VWC2: variants seen among roughly 807,000 people sequenced by gnomAD.
VWC2 encodes von Willebrand factor C domain containing 2, also known as brorin.
In VWC2, 14 loss-of-function variants were observed where a neutral mutation model predicts 29.8. The observed-to-expected ratio is 0.47, with a 90% confidence interval of 0.31 to 0.74. VWC2 has a LOEUF of 0.74. VWC2 is among the 30% of genes least tolerant of loss of function. VWC2 has a pLI of 0.05. For missense variants in VWC2, 457 were observed against 459.8 expected, an observed-to-expected ratio of 0.99 and a Z score of 0.05; for synonymous variants, 213 against 199.0, an observed-to-expected ratio of 1.07 and a Z score of -0.59.
chr7:49,816,084 C>A (rs867230817), intron 3 of VWC2, among the ~76,000 whole-genome samples: 2 of 151,886 alleles, frequency 1.3e-5, no homozygotes, highest in Non-Finnish European at 2.9e-5. Context: ...AGGGTGGGAG[C>A]GGACCATATT....
intron 3 of VWC2, among the ~76,000 whole-genome samples, chr7:49,893,132 T>C (rs1792216004): frequency 6.6e-6 from 1 of 152,238 alleles, no homozygotes; most frequent in Non-Finnish European, 1.5e-5. Context: ...TGAGAATACT[T>C]TAGCCTTTAA....
Position 49,921,737 on chromosome 7 carries a change from T to C in VWC2, c.*9552T>C, listed in dbSNP as rs1257959923. 1 of 151,990 alleles carries C rather than the reference T, an allele frequency of 6.6e-6. No individual in the cohort carries two copies. The highest frequency in any genetic ancestry group is 6.5e-5 in the Admixed American group (1 of 15,270). The allele number at this position is 151,990 out of a possible 1,614,324, so 9.4% of individuals were successfully genotyped here. A position where few individuals can be genotyped will look rare whatever the true frequency, so the allele number is the denominator to read the frequency against. ...AATGAATAATTTAATTTAGTGCTCATTTGAAAAATATTTTATCCTCATGTT... is the reference window on the plus strand; with the variant it reads ...AATGAATAATTTAATTTAGTGCTCACTTGAAAAATATTTTATCCTCATGTT... On this transcript the variant is annotated 3_prime_UTR_variant, in exon 4 of 4. Transcript: ENST00000340652.
intron 3 of VWC2, among the ~76,000 whole-genome samples, chr7:49,843,785 G>T (rs541614703): frequency 2.0e-5 from 3 of 152,302 alleles, no homozygotes; most frequent in East Asian, 1.9e-4. Flanking sequence ...AGGGCATTGT[G>T]CAAGGACTTA....
At chr7:49,824,825 G>C (rs1038422167) in intron 3 of VWC2, among the ~76,000 whole-genome samples, 2 of 151,930 alleles carry the variant, frequency 1.3e-5, no homozygotes, top group Non-Finnish European at 2.9e-5. Context: ...ATTTCCAGTT[G>C]TTTGTTCCTT....
At chr7:49,899,981 T>G (rs975337545) in intron 3 of VWC2, among the ~76,000 whole-genome samples, 1 of 151,858 alleles carries the variant, frequency 6.6e-6, no homozygotes, top group African/African-American at 2.4e-5. Context: ...GCTCTCAGAC[T>G]ACAAGGGAAT....
At chr7:49,837,523 G>C (rs184831144) in intron 3 of VWC2, among the ~76,000 whole-genome samples, 1 of 152,306 alleles carries the variant, frequency 6.6e-6, no homozygotes, top group Admixed American at 6.5e-5. Flanking sequence ...CCTGAAGGCC[G>C]GGGGAGGTCA....
At chr7:49,805,886 A>G (rs1215654194) in intron 3 of VWC2, among the ~76,000 whole-genome samples, 1 of 152,224 alleles carries the variant, frequency 6.6e-6, no homozygotes, top group African/African-American at 2.4e-5. Flanking sequence ...TTTCTCCGAC[A>G]GAAGGAAAAT....
intron 3 of VWC2, among the ~76,000 whole-genome samples, chr7:49,807,480 G>T (rs554855695): frequency 2.0e-5 from 3 of 152,208 alleles, no homozygotes; most frequent in Admixed American, 2.0e-4. Context: ...GCCTGTGCAT[G>T]TAAGACCACC....
At chr7:49,895,731 G>GCTT (rs1554341244) in intron 3 of VWC2, among the ~76,000 whole-genome samples, 1 of 151,528 alleles carries the variant, frequency 6.6e-6, no homozygotes, top group African/African-American at 2.4e-5. Flanking sequence ...TTTTCTGCCT[G>GCTT]CATATTTCTT....
intron 2 of VWC2, 128 bp downstream of exon 2, chr7:49,776,259 C>A: frequency 2.4e-6 from 2 of 821,946 alleles, no homozygotes; most frequent in Non-Finnish European, 3.7e-6. Flanking sequence ...GCACTGTGCT[C>A]ACGTCCCTTT....
At chr7:49,904,642 T>G (rs185520471) in intron 3 of VWC2, among the ~76,000 whole-genome samples, 1 of 152,284 alleles carries the variant, frequency 6.6e-6, no homozygotes, top group Non-Finnish European at 1.5e-5. Flanking sequence ...TACATGGTTT[T>G]TATTCAAAAA....
intron 3 of VWC2, among the ~76,000 whole-genome samples, chr7:49,897,851 GT>G (rs912926712): frequency 6.6e-6 from 1 of 152,216 alleles, no homozygotes; most frequent in Non-Finnish European, 1.5e-5. Flanking sequence ...CACACTTTGA[GT>G]TTTACTGCCA....
At chr7:49,806,296 G>A (rs1788877719) in intron 3 of VWC2, among the ~76,000 whole-genome samples, 1 of 152,134 alleles carries the variant, frequency 6.6e-6, no homozygotes, top group Admixed American at 6.5e-5. Flanking sequence ...CTTACTTTAT[G>A]GATCCAAAGA....
At chr7:49,855,419 A>C (rs1230694646) in intron 3 of VWC2, among the ~76,000 whole-genome samples, 2 of 152,134 alleles carry the variant, frequency 1.3e-5, no homozygotes, top group African/African-American at 2.4e-5. Flanking sequence ...TCTGGGTGGG[A>C]GTTTAACATC....
chr7:49,840,239 T>C (rs1034633138), intron 3 of VWC2, among the ~76,000 whole-genome samples: 1 of 152,208 alleles, frequency 6.6e-6, no homozygotes, highest in Non-Finnish European at 1.5e-5. Flanking sequence ...ATGCTAAATG[T>C]AAACTATGAA....
intron 3 of VWC2, among the ~76,000 whole-genome samples, chr7:49,884,433 A>G (rs1466841385): frequency 6.6e-6 from 1 of 152,172 alleles, no homozygotes; most frequent in Non-Finnish European, 1.5e-5. Context: ...GGGGATTCAC[A>G]TAGCTGGGAA....
intron 2 of VWC2, among the ~76,000 whole-genome samples, chr7:49,796,626 G>T (rs1233994398): frequency 6.6e-6 from 1 of 152,196 alleles, no homozygotes; most frequent in Admixed American, 6.5e-5. Context: ...GTAGGAGGTA[G>T]TGTCTGAAAA....
At chr7:49,878,706 A>G (rs902145884) in intron 3 of VWC2, among the ~76,000 whole-genome samples, 1 of 152,070 alleles carries the variant, frequency 6.6e-6, no homozygotes, top group Non-Finnish European at 1.5e-5. Flanking sequence ...TCTCTGCCAT[A>G]ATCTTTTAAA....
intron 3 of VWC2, among the ~76,000 whole-genome samples, chr7:49,853,846 T>C (rs1790299373): frequency 6.6e-6 from 1 of 150,630 alleles, no homozygotes; most frequent in African/African-American, 2.4e-5. Flanking sequence ...GTATATCTCC[T>C]AATGCTATCC....
Sources: allele counts gnomAD v4.1 joint callset (sites outside exome capture counted in the v4.1 genomes callset), GRCh38; gene constraint gnomAD v4.1.1; transcripts MANE v1.5; gene names NCBI Gene and HGNC (gene_info 2026-07-23, HGNC 2026-07-21).